The following MAGI2 variants were observed in gnomAD, a reference collection of about 807,000 sequenced individuals.
The protein encoded by MAGI2 is membrane associated guanylate kinase, WW and PDZ domain containing 2.
In MAGI2, 35 loss-of-function variants were observed where a neutral mutation model predicts 133.3. That is an observed-to-expected ratio of 0.26 (90% CI 0.20 to 0.35). The LOEUF is 0.35. Among genes scored for constraint, MAGI2 ranks in the 10% least tolerant of loss-of-function variants. MAGI2 has a pLI of 1.00. For synonymous variants in MAGI2, 729 were observed against 710.6 expected (o/e 1.03, Z -0.41); for missense variants, 1,636 against 1,863.4 (o/e 0.88, Z 2.25).
chr7:78,709,719 G>A (rs1319460433), intron 2 of MAGI2, among the ~76,000 whole-genome samples: 2 of 152,194 alleles, frequency 1.3e-5, no homozygotes, highest in Non-Finnish European at 2.9e-5. Context: ...TTGTGCCTTA[G>A]CTAATTCCTC....
chr7:78,648,359 C>G (rs527770998), intron 2 of MAGI2, among the ~76,000 whole-genome samples: 2 of 152,260 alleles, frequency 1.3e-5, no homozygotes, highest in African/African-American at 4.8e-5. Context: ...CAGTACGTTG[C>G]AGTAATAGGA....
chr7:78,111,116 C>T (rs1380833874), intron 20 of MAGI2, among the ~76,000 whole-genome samples: 2 of 152,050 alleles, frequency 1.3e-5, no homozygotes, highest in African/African-American at 2.4e-5. Flanking sequence ...AGCAAATTTG[C>T]GTAAACACTG....
chr7:78,093,908 T>C (rs1817469329), intron 20 of MAGI2, among the ~76,000 whole-genome samples: 1 of 152,212 alleles, frequency 6.6e-6, no homozygotes, highest in South Asian at 2.1e-4. Context: ...ACTTTTGAAA[T>C]ATTATCTCAC....
chr7:78,750,960 T>C (rs988185521), intron 2 of MAGI2, among the ~76,000 whole-genome samples: 2 of 152,178 alleles, frequency 1.3e-5, no homozygotes, highest in African/African-American at 4.8e-5. Context: ...TACTCATAAG[T>C]TAGAGAGAAA....
At chr7:79,203,497 A>G (rs1430176343) in intron 1 of MAGI2, among the ~76,000 whole-genome samples, 1 of 152,036 alleles carries the variant, frequency 6.6e-6, no homozygotes, top group Non-Finnish European at 1.5e-5. Context: ...CTCATTAGAG[A>G]GGTAGATAAT....
chr7:79,190,602 A>G (rs1345847969), intron 1 of MAGI2, among the ~76,000 whole-genome samples: 1 of 151,868 alleles, frequency 6.6e-6, no homozygotes, highest in Non-Finnish European at 1.5e-5. Flanking sequence ...TTAAAAAGTT[A>G]GCAGTATTAA....
At chr7:78,665,408 G>C (rs1585017732) in intron 2 of MAGI2, among the ~76,000 whole-genome samples, 1 of 152,132 alleles carries the variant, frequency 6.6e-6, no homozygotes, top group Non-Finnish European at 1.5e-5. Context: ...AGCAGAAATA[G>C]AAGGTAGGCA....
intron 1 of MAGI2, among the ~76,000 whole-genome samples, chr7:79,280,471 G>A (rs960117509): frequency 1.3e-5 from 2 of 152,108 alleles, no homozygotes; most frequent in Admixed American, 1.3e-4. Context: ...TATAACAGAT[G>A]ACAGGAAGTT....
chr7:78,850,894 T>C (rs1210237658), intron 2 of MAGI2, among the ~76,000 whole-genome samples: 5 of 151,908 alleles, frequency 3.3e-5, no homozygotes, highest in African/African-American at 1.2e-4. Context: ...GGTAGAACTT[T>C]AATTAATTTT....
chr7:79,015,843 G>A (rs1484977819), intron 1 of MAGI2, among the ~76,000 whole-genome samples: 1 of 152,118 alleles, frequency 6.6e-6, no homozygotes, highest in Non-Finnish European at 1.5e-5. Flanking sequence ...GAGAGATGGG[G>A]ACATTGGGAA....
intron 20 of MAGI2, 34 bp from the exon 21 acceptor site, chr7:78,079,119 A>C (rs1237547623): frequency 1.2e-6 from 2 of 1,606,158 alleles, no homozygotes; most frequent in East Asian, 2.2e-5. Context: ...TCAGCCAAAG[A>C]TGGTTTTACT....
chr7:78,693,901 T>C (rs1336199235), intron 2 of MAGI2, among the ~76,000 whole-genome samples: 2 of 152,166 alleles, frequency 1.3e-5, no homozygotes. Context: ...ACTTTGGATA[T>C]CCTTAGAAAA....
intron 6 of MAGI2, among the ~76,000 whole-genome samples, chr7:78,418,307 A>C (rs913980600): frequency 1.3e-5 from 2 of 152,190 alleles, no homozygotes; most frequent in Admixed American, 6.6e-5. Flanking sequence ...ACATATACCC[A>C]CAAATAGATA....
intron 1 of MAGI2, among the ~76,000 whole-genome samples, chr7:79,264,256 A>AT (rs530574993): frequency 4.5e-4 from 68 of 152,136 alleles, no homozygotes; most frequent in Middle Eastern, 3.4e-3. Context: ...CCTAACACAG[A>AT]TTTTTTTTGA....
At chr7:79,436,086 T>A (rs1848123064) in intron 1 of MAGI2, among the ~76,000 whole-genome samples, 1 of 151,866 alleles carries the variant, frequency 6.6e-6, no homozygotes, top group Admixed American at 6.6e-5. Flanking sequence ...TGAAAATGGA[T>A]CCCTATATAT....
chr7:78,845,478 G>A (rs567971661), intron 2 of MAGI2, among the ~76,000 whole-genome samples: 17 of 151,792 alleles, frequency 1.1e-4, no homozygotes, highest in South Asian at 2.1e-4. Context: ...TGGATGATAC[G>A]AAGTTATTTC....
chr7:78,955,710 T>TTTC (rs3069432), intron 2 of MAGI2, among the ~76,000 whole-genome samples: 86,817 of 123,758 alleles, frequency 0.7, 31,020 homozygotes, highest in African/African-American at 0.75. Flanking sequence ...CCTTTCTTTC[T>TTTC]TTTTCTTTCT....
At chr7:78,268,730 G>T (rs1212007411) in intron 9 of MAGI2, among the ~76,000 whole-genome samples, 2 of 152,254 alleles carry the variant, frequency 1.3e-5, no homozygotes, top group African/African-American at 4.8e-5. Flanking sequence ...TTCAAATTTT[G>T]TGTATCTAAT....
At chr7:78,399,806 A>G (rs897507361) in intron 6 of MAGI2, among the ~76,000 whole-genome samples, 9 of 120,472 alleles carry the variant, frequency 7.5e-5, no homozygotes, top group African/African-American at 2.7e-4. Flanking sequence ...CTTTGTATCA[A>G]AAAAAAAAAA....
Sources: allele counts gnomAD v4.1 joint callset (sites outside exome capture counted in the v4.1 genomes callset), GRCh38; gene constraint gnomAD v4.1.1; transcripts MANE v1.5; gene names NCBI Gene and HGNC (gene_info 2026-07-23, HGNC 2026-07-21).